PRELID2: variants seen among roughly 807,000 people sequenced by gnomAD.
PRELID2 encodes the protein PRELI domain-containing protein 2.
PRELID2 carries 25 observed loss-of-function variants against 28.4 expected under a neutral mutation model. That is an observed-to-expected ratio of 0.88 (90% CI 0.64 to 1.23). The LOEUF (loss-of-function observed/expected upper bound fraction) is 1.23, where lower values mean the gene tolerates loss of function less well. Among genes scored for constraint, PRELID2 ranks in the 50% most tolerant of loss-of-function variants. The probability of loss-of-function intolerance (pLI) is 0.00; values close to 1 mark genes in which losing one functional copy is unlikely to be tolerated. For missense variants in PRELID2, 201 were observed against 214.4 expected, an observed-to-expected ratio of 0.94 and a Z score of 0.39; for synonymous variants, 76 against 71.6, an observed-to-expected ratio of 1.06 and a Z score of -0.31.
chr5:145,404,911 T>TG, the PRELID2 span, among the ~76,000 whole-genome samples: 2 of 152,224 alleles, frequency 1.3e-5, no homozygotes, highest in South Asian at 2.1e-4. Context: ...GAATTGGCTC[T>TG]GGGGGGATAC....
chr5:145,683,895 T>TTG (rs1443356199), intron 1 of PRELID2, among the ~76,000 whole-genome samples: 2 of 152,172 alleles, frequency 1.3e-5, no homozygotes, highest in Non-Finnish European at 2.9e-5. Context: ...ACATTGCTTA[T>TTG]TGGTATTATT....
At chr5:145,465,147 T>G in the PRELID2 span, among the ~76,000 whole-genome samples, 1 of 152,136 alleles carries the variant, frequency 6.6e-6, no homozygotes, top group Admixed American at 6.6e-5. Context: ...CTCAGTCTAC[T>G]TTATATTGAA....
chr5:145,764,951 A>G lies in PRELID2; in HGVS notation c.524T>C (p.Leu175Ser). 6.2e-7 allele frequency: 1 copy of G among 1,612,548 alleles called. No individual in the cohort carries two copies. Among genetic ancestry groups the G allele is most frequent in the South Asian group, 1.1e-5 (1 of 90,964 alleles). Reference sequence around the variant, plus strand: ...CTCACTGATGATTCTTTATTCAGCTAAGGGGGCACCACACTGTTCCTTTAG... The same window carrying G: ...CTCACTGATGATTCTTTATTCAGCTGAGGGGGCACCACACTGTTCCTTTAG... ...MLLKEQCGAP[L>S]AE The change falls in exon 6 of 7, where the codon TTA becomes TCA. Residue 175 changes from leucine to serine, a missense_variant. Transcript: ENST00000683046.
intron 1 of PRELID2, among the ~76,000 whole-genome samples, chr5:145,703,470 A>G (rs1025679503): frequency 2.0e-5 from 3 of 152,204 alleles, no homozygotes; most frequent in Non-Finnish European, 4.4e-5. Flanking sequence ...TAGCTGCCCC[A>G]GTTTCAAGCC....
the PRELID2 span, among the ~76,000 whole-genome samples, chr5:145,442,699 A>G: frequency 6.6e-6 from 1 of 152,132 alleles, no homozygotes; most frequent in African/African-American, 2.4e-5. Flanking sequence ...ATTTGTATGT[A>G]GAAGTACAGT....
chr5:145,474,845 G>T (rs1283361855), intron 1 of PRELID2, among the ~76,000 whole-genome samples: 1 of 152,134 alleles, frequency 6.6e-6, no homozygotes, highest in East Asian at 1.9e-4. Flanking sequence ...AAATAGTCTA[G>T]TGGTGATAAT....
At chr5:145,362,852 A>T in the PRELID2 span, among the ~76,000 whole-genome samples, 1 of 152,110 alleles carries the variant, frequency 6.6e-6, no homozygotes, top group Non-Finnish European at 1.5e-5. Flanking sequence ...ACATACAGAC[A>T]GTGCTTGATG....
At chr5:145,735,577 A>G (rs1756474276) in intron 1 of PRELID2, among the ~76,000 whole-genome samples, 1 of 152,204 alleles carries the variant, frequency 6.6e-6, no homozygotes, top group Non-Finnish European at 1.5e-5. Context: ...AAGTATAAAG[A>G]CATTTATCTT....
intron 1 of PRELID2, among the ~76,000 whole-genome samples, chr5:145,704,898 G>A (rs1486339760): frequency 1.3e-5 from 2 of 152,200 alleles, no homozygotes; most frequent in African/African-American, 4.8e-5. Context: ...AGATTAAAAA[G>A]CACACACAGG....
chr5:145,358,628 G>A, the PRELID2 span, among the ~76,000 whole-genome samples: 1 of 152,156 alleles, frequency 6.6e-6, no homozygotes, highest in East Asian at 1.9e-4. Flanking sequence ...AGCCAAAGAA[G>A]AAAAAGGTCA....
chr5:145,594,432 C>T (rs945813911), intron 1 of PRELID2, among the ~76,000 whole-genome samples: 200 of 152,146 alleles, frequency 1.3e-3, no homozygotes, highest in African/African-American at 4.6e-3. Flanking sequence ...ATGTGGCTTA[C>T]ATCTTATTGT....
chr5:145,369,635 C>T, the PRELID2 span, among the ~76,000 whole-genome samples: 1 of 151,876 alleles, frequency 6.6e-6, no homozygotes, highest in South Asian at 2.1e-4. Context: ...GGGTATATAC[C>T]CAGTAATGAG....
chr5:145,458,173 A>G, the PRELID2 span, among the ~76,000 whole-genome samples: 1 of 152,210 alleles, frequency 6.6e-6, no homozygotes, highest in African/African-American at 2.4e-5. Flanking sequence ...TTAGTAAGAT[A>G]CAAAAAATTT....
At chr5:145,828,768 C>T (rs1279780908) in intron 1 of PRELID2, among the ~76,000 whole-genome samples, 1 of 151,844 alleles carries the variant, frequency 6.6e-6, no homozygotes, top group African/African-American at 2.4e-5. Flanking sequence ...ATATATCCTC[C>T]TCTGTCCCTT....
At chr5:145,812,773 G>A (rs988725515) in intron 4 of PRELID2, among the ~76,000 whole-genome samples, 1 of 152,202 alleles carries the variant, frequency 6.6e-6, no homozygotes, top group East Asian at 1.9e-4. Context: ...TCAGATGAGT[G>A]AGAAACAGGA....
chr5:145,270,014 G>A, the PRELID2 span, among the ~76,000 whole-genome samples: 1 of 151,272 alleles, frequency 6.6e-6, no homozygotes, highest in Non-Finnish European at 1.5e-5. Context: ...TTATTAAAAT[G>A]CAAATTAAAA....
At chr5:145,500,903 A>G (rs754663974) in intron 1 of PRELID2, among the ~76,000 whole-genome samples, 1 of 152,098 alleles carries the variant, frequency 6.6e-6, no homozygotes, top group Non-Finnish European at 1.5e-5. Context: ...TCATTCGCTC[A>G]AGTTACAATG....
At chr5:145,497,653 T>C (rs1222979245) in intron 1 of PRELID2, among the ~76,000 whole-genome samples, 1 of 152,192 alleles carries the variant, frequency 6.6e-6, no homozygotes, top group Non-Finnish European at 1.5e-5. Context: ...CACATAGCCA[T>C]AAAGTTGCCT....
At chr5:145,308,555 A>G in the PRELID2 span, among the ~76,000 whole-genome samples, 1 of 152,134 alleles carries the variant, frequency 6.6e-6, no homozygotes, top group Admixed American at 6.5e-5. Context: ...CTCTGCCACC[A>G]TATAGATCTA....
Sources: gnomAD v4.1 joint callset for allele counts (sites outside exome capture counted in the v4.1 genomes callset) on GRCh38, gnomAD v4.1.1 for gene constraint, MANE v1.5 for transcripts, NCBI Gene and HGNC (gene_info 2026-07-23, HGNC 2026-07-21) for gene names.